IMPG2: variants seen among roughly 807,000 people sequenced by gnomAD.
IMPG2 encodes the protein IPM 200.
Under a neutral mutation model 129.2 loss-of-function variants are expected in IMPG2, and 91 were observed. That is an observed-to-expected ratio of 0.70 (90% CI 0.59 to 0.84). The LOEUF (loss-of-function observed/expected upper bound fraction) is 0.84. IMPG2 is among the 40% of genes least tolerant of loss of function. The pLI is 0.00. For synonymous variants in IMPG2, 510 were observed against 517.7 expected, an observed-to-expected ratio of 0.99 and a Z score of 0.20; for missense variants, 1,430 against 1,461.7, an observed-to-expected ratio of 0.98 and a Z score of 0.35.
At chr3:101,303,268 GAACA>G (rs1414871798) in intron 3 of IMPG2, among the ~76,000 whole-genome samples, 2 of 152,102 alleles carry the variant, frequency 1.3e-5, no homozygotes, top group Admixed American at 6.5e-5. Context: ...ATGCAAAAAT[GAACA>G]AACAATGACA....
Position 101,224,465 on chromosome 3 carries a change from T to C in IMPG2, c.*2504A>G, listed in dbSNP as rs1351788771. ...TGCTAGGTTAAGAAGAACGTTCTAA[T>C]ACTCAGAAAATTTCATTCCTCAATT... On this transcript the variant is annotated 3_prime_UTR_variant, in exon 19 of 19. Transcript: ENST00000193391. 6.6e-6 allele frequency: 1 copy of C among 152,240 alleles called. No homozygotes were observed. Among genetic ancestry groups the C allele is most frequent in the Non-Finnish European group, 1.5e-5 (1 of 68,038 alleles). The allele number at this position is 152,240 out of a possible 1,614,324, so 9.4% of individuals were successfully genotyped here. A position where few individuals can be genotyped will look rare whatever the true frequency, so the allele number is the denominator to read the frequency against.
chr3:101,229,310 A>ACCCCCCCCCC, intron 17 of IMPG2, 70 bp downstream of exon 17: 1 of 348,672 alleles, frequency 2.9e-6, no homozygotes, highest in Admixed American at 3.4e-5. Flanking sequence ...ACCCCCACCC[A>ACCCCCCCCCC]CCACCCCCTG....
intron 10 of IMPG2, among the ~76,000 whole-genome samples, chr3:101,256,195 A>AAGAAAGAAAGAAAGAAAG (rs1706604076): frequency 4.6e-5 from 7 of 151,194 alleles, no homozygotes; most frequent in African/African-American, 1.7e-4. Flanking sequence ...GAAAGAAAGA[A>AAGAAAGAAAGAAAGAAAG]AGAAAGAAAG....
Position 101,243,892 on chromosome 3 carries a change from T to C in IMPG2, c.2439A>G (p.Thr813=). ...TGGTTGGAGGCAATTTGGTAGACTG[T>C]GTCACAGATAACCAGAGCCTGTCAG... ...QSADRLWLSV[T]QSTKLPPTTI... is the part of the protein sequence containing the mutation. Residue 813 remains threonine (T), a synonymous_variant, in exon 13 of 19, where the codon ACA becomes ACG. Coordinates refer to ENST00000193391, the MANE Select transcript of IMPG2 (RefSeq NM_016247.4). 6.2e-7 allele frequency: 1 copy of C among 1,614,226 alleles called. No homozygotes were observed. The highest frequency in any genetic ancestry group is 8.5e-7 in the Non-Finnish European group (1 of 1,180,032).
At position 101,253,678 on chromosome 3, in the gene IMPG2, T is replaced by C. The variant is rs750945923; in HGVS notation, c.1239+18A>G. 1.3e-6 allele frequency: 2 copies of C among 1,582,774 alleles called. No individual in the cohort carries two copies. Among genetic ancestry groups the C allele is most frequent in the African/African-American group, 1.3e-5 (1 of 74,360 alleles). ...GAAGCTTGAGGGCCTGGTTCTAGCA[T>C]AAAACATAAAAACATACCAGAATAG... On this transcript the variant is annotated intron_variant, in intron 11 of 18. Transcript: ENST00000193391.
chr3:101,313,822 T>C (rs1212272268), intron 2 of IMPG2, among the ~76,000 whole-genome samples: 1 of 152,108 alleles, frequency 6.6e-6, no homozygotes, highest in East Asian at 1.9e-4. Flanking sequence ...GAAATAATTA[T>C]CTATGTAGAA....
Position 101,231,097 on chromosome 3 carries a change from T to C in IMPG2, c.3282A>G (p.Glu1094=), listed in dbSNP as rs1341153939. 2 of 1,613,920 alleles carry C rather than the reference T, an allele frequency of 1.2e-6. No individual in the cohort carries two copies. The highest frequency in any genetic ancestry group is 2.2e-5 in the South Asian group (2 of 91,078). ...NWWYRGKHCE[E]FVSEPVIIGI... ...CTATGATCACGGGCTCAGACACAAA[T>C]TCCTCACAGTGCTTGCCTCGGTACC... The change falls in exon 16 of 19, where the codon GAA becomes GAG. Residue 1094 remains glutamate (E), a synonymous_variant. Coordinates refer to ENST00000193391, the MANE Select transcript of IMPG2 (RefSeq NM_016247.4).
intron 6 of IMPG2, among the ~76,000 whole-genome samples, chr3:101,275,007 A>T (rs1250803925): frequency 6.6e-6 from 1 of 152,046 alleles, no homozygotes; most frequent in African/African-American, 2.4e-5. Flanking sequence ...TGAAGGTGCA[A>T]GAGAACTAAA....
chr3:101,259,935 A>G (rs1483667057), intron 9 of IMPG2, among the ~76,000 whole-genome samples: 1 of 152,128 alleles, frequency 6.6e-6, no homozygotes, highest in African/African-American at 2.4e-5. Flanking sequence ...TCAATGCTAT[A>G]ATAATTGATT....
At chr3:101,252,783 G>A (rs141868664) in intron 11 of IMPG2, among the ~76,000 whole-genome samples, 25 of 152,230 alleles carry the variant, frequency 1.6e-4, no homozygotes, top group African/African-American at 6.0e-4. Context: ...GAGATTAATG[G>A]TTACATGAAT....
At chr3:101,243,457 G>T in intron 13 of IMPG2, 72 bp downstream of exon 13, 2 of 1,330,322 alleles carry the variant, frequency 1.5e-6, no homozygotes, top group Non-Finnish European at 2.2e-6. Flanking sequence ...CAGACCTTAT[G>T]TGCTAGAGGG....
intron 4 of IMPG2, among the ~76,000 whole-genome samples, chr3:101,288,401 C>T (rs879324629): frequency 1.3e-5 from 2 of 152,016 alleles, no homozygotes. Context: ...CACATGCACT[C>T]ATATGTTCAT....
chr3:101,245,696 T>G (rs1576749051), intron 12 of IMPG2, 106 bp downstream of exon 12: 1 of 1,034,806 alleles, frequency 9.7e-7, no homozygotes, highest in South Asian at 1.3e-5. Flanking sequence ...ATTTTCCCCC[T>G]AATGAATGCT....
At chr3:101,245,176 G>A (rs1706462535) in intron 12 of IMPG2, among the ~76,000 whole-genome samples, 1 of 151,950 alleles carries the variant, frequency 6.6e-6, no homozygotes, top group East Asian at 1.9e-4. Context: ...TGCCTGTTAT[G>A]TTTATTGTCC....
At chr3:101,315,294 T>C (rs2058779180) in intron 2 of IMPG2, among the ~76,000 whole-genome samples, 1 of 152,200 alleles carries the variant, frequency 6.6e-6, no homozygotes, top group Admixed American at 6.6e-5. Flanking sequence ...TTCTTCACTG[T>C]ACTAACAGTA....
chr3:101,229,320 G>GGACC, intron 17 of IMPG2, 60 bp downstream of exon 17: 1 of 519,344 alleles, frequency 1.9e-6, no homozygotes, highest in East Asian at 5.2e-5. Flanking sequence ...ACCACCCCCT[G>GGACC]CTCCCCCACA....
intron 17 of IMPG2, 80 bp downstream of exon 17, chr3:101,229,300 A>ACCCCCCCCCCCCCCCCCCAGGGGC: frequency 1.2e-6 from 1 of 859,118 alleles, no homozygotes; most frequent in East Asian, 2.9e-5. Flanking sequence ...ACTCATACAC[A>ACCCCCCCCCCCCCCCCCCAGGGGC]CCCCCACCCA....
chr3:101,300,602 G>A (rs569532421), intron 3 of IMPG2, among the ~76,000 whole-genome samples: 1 of 152,336 alleles, frequency 6.6e-6, no homozygotes, highest in Non-Finnish European at 1.5e-5. Context: ...CTGGGTAGCA[G>A]GCTCACTCAC....
chr3:101,304,330 G>GT lies in IMPG2; in HGVS notation c.335-19dup, dbSNP rs756109820. ...CTGACACACTAGAAAATAGAGAGGTGTTTTTTTACAAAAAGCTAACATGCT... is the reference window on the plus strand; with the variant it reads ...CTGACACACTAGAAAATAGAGAGGTGTTTTTTTTACAAAAAGCTAACATGCT... On this transcript the variant is annotated intron_variant, in intron 2 of 18. Transcript: ENST00000193391. 27 of 1,612,566 alleles carry GT rather than the reference G, an allele frequency of 1.7e-5. 1 individual carries two copies. The East Asian group carries it at 1.8e-4, about 11-fold the overall frequency.
Sources: gnomAD v4.1 joint callset for allele counts (sites outside exome capture counted in the v4.1 genomes callset) on GRCh38, gnomAD v4.1.1 for gene constraint, MANE v1.5 for transcripts, NCBI Gene and HGNC (gene_info 2026-07-23, HGNC 2026-07-21) for gene names.